TMCO5A: variants seen among roughly 807,000 people sequenced by gnomAD.
TMCO5A encodes transmembrane and coiled-coil domains 5A.
A neutral mutation model predicts 42.3 loss-of-function variants in TMCO5A; 34 were observed. The ratio of observed to expected loss-of-function variants is 0.80; its 90% CI spans 0.61 to 1.07. The LOEUF is 1.07. Among genes scored for constraint, TMCO5A ranks in the 50% least tolerant of loss-of-function variants. TMCO5A has a pLI of 0.00. For missense variants in TMCO5A, 357 were observed against 327.9 expected, an observed-to-expected ratio of 1.09 and a Z score of -0.69; for synonymous variants, 131 against 115.6, an observed-to-expected ratio of 1.13 and a Z score of -0.86.
chr15:38,017,827 G>A, the TMCO5A span, among the ~76,000 whole-genome samples: 1 of 152,078 alleles, frequency 6.6e-6, no homozygotes, highest in Non-Finnish European at 1.5e-5. Flanking sequence ...TTGGGGGCAG[G>A]GCCTGGCGAG....
intron 10 of TMCO5A, among the ~76,000 whole-genome samples, chr15:37,944,587 T>C (rs980091025): frequency 1.3e-5 from 2 of 152,050 alleles, no homozygotes; most frequent in African/African-American, 4.8e-5. Context: ...TCTGTAAGCC[T>C]CTTTTCCACA....
At chr15:37,952,950 G>T (rs1890196220), downstream of TMCO5A, among the ~76,000 whole-genome samples, 1 of 152,224 alleles carries the variant, frequency 6.6e-6, no homozygotes, top group Admixed American at 6.5e-5. Context: ...GCCTATGGTG[G>T]CAGTGGCCAT....
the TMCO5A span, among the ~76,000 whole-genome samples, chr15:38,023,623 A>T: frequency 6.6e-6 from 1 of 152,196 alleles, no homozygotes; most frequent in South Asian, 2.1e-4. Flanking sequence ...GTGGAGAGGA[A>T]TTAGGTCCCA....
chr15:38,010,817 A>G, the TMCO5A span, among the ~76,000 whole-genome samples: 2 of 152,112 alleles, frequency 1.3e-5, no homozygotes, highest in Non-Finnish European at 2.9e-5. Flanking sequence ...CAGTGGCTCA[A>G]TCTTGGCTCA....
Position 37,951,108 on chromosome 15 carries a change from A to T in TMCO5A, c.741A>T (p.Arg247Ser). The change falls in exon 12 of 12, where the codon AGA (arginine) becomes AGT (serine). Residue 247 changes from arginine to serine, a missense_variant. Arg to Ser is a moderately radical substitution (Grantham distance 110). Coordinates refer to ENST00000319669, the MANE Select transcript of TMCO5A (RefSeq NM_152453.4). ...RLLSYMFFHV[R>S]FINPDLLVNV... ...TGAGCTACATGTTTTTTCATGTAAG[A>T]TTCATAAATCCAGATCTCCTCGTCA... 6.2e-7 allele frequency: 1 copy of T among 1,613,514 alleles called. No individual in the cohort carries two copies. Among genetic ancestry groups the T allele is most frequent in the Non-Finnish European group, 8.5e-7 (1 of 1,179,860 alleles).
chr15:37,983,735 T>G, the TMCO5A span, among the ~76,000 whole-genome samples: 7,248 of 151,656 alleles, frequency 0.048, 585 homozygotes, highest in African/African-American at 0.17. Context: ...TTTTTTGTTT[T>G]TTTTTTGAGA....
chr15:38,015,739 A>T, the TMCO5A span, among the ~76,000 whole-genome samples: 20 of 152,196 alleles, frequency 1.3e-4, no homozygotes, highest in African/African-American at 4.8e-4. Flanking sequence ...AAAATAAATG[A>T]GCTATCAAGT....
At chr15:37,972,461 T>G (rs942182820), downstream of TMCO5A, among the ~76,000 whole-genome samples, 45 of 152,212 alleles carry the variant, frequency 3.0e-4, no homozygotes, top group Admixed American at 2.8e-3. Flanking sequence ...TTTTTGAGTT[T>G]TTAATAATAG....
chr15:38,008,047 C>CATT, the TMCO5A span, among the ~76,000 whole-genome samples: 1 of 151,824 alleles, frequency 6.6e-6, no homozygotes, highest in Non-Finnish European at 1.5e-5. Flanking sequence ...AGGCGCCTGC[C>CATT]ACCACGCCTG....
chr15:37,943,661 C>T (rs1889836037), intron 10 of TMCO5A: 3 of 423,198 alleles, frequency 7.1e-6, no homozygotes, highest in Non-Finnish European at 1.3e-5. Context: ...AGAATGGAGG[C>T]AAGAAGCAAC....
At chr15:38,026,903 G>A in the TMCO5A span, among the ~76,000 whole-genome samples, 1 of 152,238 alleles carries the variant, frequency 6.6e-6, no homozygotes, top group Non-Finnish European at 1.5e-5. Context: ...GAGCCTACAG[G>A]TGCACAGAAG....
Position 37,951,120 on chromosome 15 carries a change from A to G in TMCO5A, c.753A>G (p.Pro251=). ...YMFFHVRFIN[P]DLLVNVLPKV... ...TTTTTCATGTAAGATTCATAAATCC[A>G]GATCTCCTCGTCAATGTACTGCCCA... is the stretch of plus-strand genomic sequence containing the variant. The change falls in exon 12 of 12, where the codon CCA becomes CCG. Residue 251 remains proline, a synonymous_variant. Transcript: ENST00000319669. 6.2e-7 allele frequency: 1 copy of G among 1,613,764 alleles called. No homozygotes were observed.
At chr15:37,964,072 C>T (rs573940150) in intron 11 of TMCO5A, among the ~76,000 whole-genome samples, 15 of 152,126 alleles carry the variant, frequency 9.9e-5, no homozygotes, top group African/African-American at 3.4e-4. Context: ...TGTTAAAGAG[C>T]CTTGTTTTGT....
At chr15:38,008,117 G>T in the TMCO5A span, among the ~76,000 whole-genome samples, 6 of 151,394 alleles carry the variant, frequency 4.0e-5, no homozygotes, top group South Asian at 4.2e-4. Flanking sequence ...GGATGGTCTC[G>T]ATCTCCTGAC....
chr15:37,986,194 T>C, the TMCO5A span, among the ~76,000 whole-genome samples: 4 of 152,228 alleles, frequency 2.6e-5, no homozygotes, highest in African/African-American at 9.6e-5. Context: ...TTGCACATAG[T>C]GAACATTCAA....
At chr15:38,039,016 G>C in the TMCO5A span, among the ~76,000 whole-genome samples, 1 of 152,066 alleles carries the variant, frequency 6.6e-6, no homozygotes. Context: ...AAGTCAGTCA[G>C]GAATTAAATG....
chr15:37,950,970 T>A, intron 11 of TMCO5A, 66 bp from the exon 12 acceptor site: 2 of 1,387,712 alleles, frequency 1.4e-6, no homozygotes. Flanking sequence ...CATTCAGGTA[T>A]GATTTATTTT....
At chr15:38,030,382 CA>C in the TMCO5A span, among the ~76,000 whole-genome samples, 2 of 152,182 alleles carry the variant, frequency 1.3e-5, no homozygotes, top group African/African-American at 4.8e-5. Flanking sequence ...AGATTCTATT[CA>C]GTTTAATTCC....
chr15:37,976,793 CT>C, the TMCO5A span, among the ~76,000 whole-genome samples: 14,416 of 116,736 alleles, frequency 0.12, 918 homozygotes, highest in African/African-American at 0.31. Flanking sequence ...TTTCTTCTTT[CT>C]TTTTTTTTTT....
Sources: allele counts gnomAD v4.1 joint callset (sites outside exome capture counted in the v4.1 genomes callset), GRCh38; gene constraint gnomAD v4.1.1; transcripts MANE v1.5; gene names NCBI Gene and HGNC (gene_info 2026-07-23, HGNC 2026-07-21).